The following HAAO variants were observed in gnomAD, a reference collection of about 807,000 sequenced individuals.
HAAO encodes the protein 3-hydroxyanthranilate 3,4-dioxygenase.
A neutral mutation model predicts 46.2 loss-of-function variants in HAAO; 49 were observed. The observed-to-expected ratio is 1.06, with a 90% CI of 0.84 to 1.34. The LOEUF (loss-of-function observed/expected upper bound fraction) is 1.34. Among genes scored for constraint, HAAO ranks in the 40% most tolerant of loss-of-function variants. The pLI, the probability that HAAO is intolerant of heterozygous loss-of-function variation, is 0.00. For synonymous variants in HAAO, 157 were observed against 145.2 expected, an observed-to-expected ratio of 1.08 and a Z score of -0.58; for missense variants, 408 against 364.5, an observed-to-expected ratio of 1.12 and a Z score of -0.97.
intron 4 of HAAO, among the ~76,000 whole-genome samples, chr2:42,777,891 A>G (rs985606975): frequency 2.6e-5 from 4 of 152,206 alleles, no homozygotes; most frequent in African/African-American, 9.6e-5. Flanking sequence ...GTATAAAACA[A>G]GGTAAAAGGA....
In HAAO at chr2:42,769,763, G is replaced by C; in HGVS notation, c.580C>G (p.Leu194Val). The change falls in exon 7 of 10, where the codon CTG becomes GTG. Residue 194 changes from leucine (L) to valine (V), a missense_variant. By Grantham distance (32) the Leu-to-Val change is conservative (BLOSUM62 1). Transcript: ENST00000294973. ...AGGCTGAGTGGTGTGCCTGCCTGCA[G>C]CTCCCTGTGGTGGCTGTCCAGCCAG... The part of the protein sequence containing the change: ...DAWLDSHHRE[L>V]QAGTPLSLFG... The C allele has an allele frequency of 2.5e-6, 4 of 1,614,012 alleles. No homozygotes were observed. Among genetic ancestry groups the C allele is most frequent in the South Asian group, 1.1e-5 (1 of 91,040 alleles).
chr2:42,769,511 C>T (rs969335284), intron 7 of HAAO, among the ~76,000 whole-genome samples: 8 of 152,168 alleles, frequency 5.3e-5, no homozygotes, highest in South Asian at 2.1e-4. Flanking sequence ...GCAGAGCCAT[C>T]GCCTTCTGCG....
At chr2:42,789,014 T>C in intron 1 of HAAO, 1 of 265,228 alleles carries the variant, frequency 3.8e-6, no homozygotes, top group Middle Eastern at 1.5e-3. Context: ...TCACCCATGC[T>C]GTCTGACTAT....
chr2:42,770,537 G>A lies in HAAO; in HGVS notation c.396C>T (p.Phe132=). 1 of 1,553,514 alleles carries A rather than the reference G, an allele frequency of 6.4e-7. No homozygotes were observed. The change falls in exon 5 of 10, where the codon TTC becomes TTT. Residue 132 remains phenylalanine, a synonymous_variant. Transcript: ENST00000294973. ...DTMDVLFEKW[F]YCKDLGTQLA... is the part of the protein sequence containing the mutation. ...ACTGCGTGCCGAGGTCCTTGCAGTA[G>A]AACCACTTCTCAAACAGAACGTCCA...
chr2:42,768,193 G>A (rs1670815042), intron 7 of HAAO, among the ~76,000 whole-genome samples: 1 of 152,222 alleles, frequency 6.6e-6, no homozygotes, highest in Admixed American at 6.5e-5. Flanking sequence ...CCTCTGATGT[G>A]TGCTCATGCG....
rs757166545 is a variant in HAAO at position 42,783,328 on chromosome 2, C to T, written c.336G>A (p.Glu112=). Residue 112 remains glutamate, a synonymous_variant, in exon 4 of 10, where the codon GAG becomes GAA. Transcript: ENST00000294973. ...ACAGAATTTACCTGAGCCCATCTAGCTCGGTCTCCAGCCGCCTTCGCTCAA... is the reference window on the plus strand; with the variant it reads ...ACAGAATTTACCTGAGCCCATCTAGTTCGGTCTCCAGCCGCCTTCGCTCAA... The part of the protein sequence containing the change: ...LVVERRRLET[E]LDGLRYYVGD... The T allele has an allele frequency of 4.4e-6, 7 of 1,608,852 alleles. No individual in the cohort carries two copies. Among genetic ancestry groups the T allele is most frequent in the Non-Finnish European group, 5.1e-6 (6 of 1,176,230 alleles).
At chr2:42,768,181 T>A (rs1670813460) in intron 7 of HAAO, among the ~76,000 whole-genome samples, 1 of 152,206 alleles carries the variant, frequency 6.6e-6, no homozygotes, top group South Asian at 2.1e-4. Flanking sequence ...GCACCCGTGG[T>A]CCCTCTGATG....
chr2:42,781,350 C>A (rs1320513566), intron 4 of HAAO, among the ~76,000 whole-genome samples: 3 of 152,064 alleles, frequency 2.0e-5, no homozygotes, highest in Non-Finnish European at 4.4e-5. Context: ...GGGAAACTGG[C>A]CTCATATCTT....
chr2:42,779,993 C>A (rs972472077), intron 4 of HAAO, among the ~76,000 whole-genome samples: 17 of 152,196 alleles, frequency 1.1e-4, no homozygotes, highest in African/African-American at 3.9e-4. Flanking sequence ...ATGGGAAACT[C>A]CTATAATCCT....
At chr2:42,779,871 T>G (rs1671859356) in intron 4 of HAAO, among the ~76,000 whole-genome samples, 1 of 152,254 alleles carries the variant, frequency 6.6e-6, no homozygotes. Flanking sequence ...TGACATAGTT[T>G]GGCTTACTTG....
intron 4 of HAAO, among the ~76,000 whole-genome samples, chr2:42,773,127 C>G (rs1203338822): frequency 2.6e-5 from 4 of 152,214 alleles, no homozygotes; most frequent in Non-Finnish European, 4.4e-5. Flanking sequence ...GGTGTTGACT[C>G]CCACTCCTCT....
Position 42,767,348 on chromosome 2 carries a change from G to A in HAAO, c.*89C>T, listed in dbSNP as rs959634558. The stretch of plus-strand genomic sequence containing the variant: ...GGGACACAGCGGCAGTACACAGAGA[G>A]GTAGTGGGGGCTGGGAGAGTTGTTT... On this transcript the variant is annotated 3_prime_UTR_variant, in exon 10 of 10. Transcript: ENST00000294973. 7 of 850,972 alleles carry A rather than the reference G, an allele frequency of 8.2e-6. No individual in the cohort carries two copies. The highest frequency in any genetic ancestry group is 1.4e-5 in the Non-Finnish European group (7 of 504,348). The allele number at this position is 850,972 out of a possible 1,614,324, so 52.7% of individuals were successfully genotyped here. A position where few individuals can be genotyped will look rare whatever the true frequency, so the allele number is the denominator to read the frequency against.
intron 2 of HAAO, among the ~76,000 whole-genome samples, chr2:42,786,025 G>C (rs940232470): frequency 2.1e-5 from 2 of 95,334 alleles, no homozygotes; most frequent in Non-Finnish European, 5.4e-5. Flanking sequence ...GTGTGTGTGT[G>C]TGTGTGTGTG....
At chr2:42,791,310 G>A (rs1007196052) in intron 1 of HAAO, among the ~76,000 whole-genome samples, 13 of 152,166 alleles carry the variant, frequency 8.5e-5, no homozygotes, top group Admixed American at 7.2e-4. Flanking sequence ...AAATGCTAGG[G>A]AGAGGCCCGG....
At chr2:42,780,383 C>A (rs192415564) in intron 4 of HAAO, among the ~76,000 whole-genome samples, 98 of 151,516 alleles carry the variant, frequency 6.5e-4, no homozygotes, top group African/African-American at 2.3e-3. Flanking sequence ...AATTTTTGTA[C>A]TTTTAGTAGA....
intron 6 of HAAO, 22 bp from the exon 7 acceptor site, chr2:42,769,880 A>C: frequency 6.3e-7 from 1 of 1,593,356 alleles, no homozygotes; most frequent in Non-Finnish European, 8.5e-7. Flanking sequence ...GCATGACTAT[A>C]GTCGGTGTCC....
rs35394667 is a variant in HAAO at position 42,769,380 on chromosome 2, C to T, written c.630+333G>A. Among the ~76,000 whole-genome samples the T allele has an allele frequency of 0.025, 3,748 of 152,258 alleles. 302 individuals carry two copies. The East Asian group carries it at 0.31, about 13-fold the overall frequency. On this transcript the variant is annotated intron_variant, in intron 7 of 9. Coordinates refer to ENST00000294973, the MANE Select transcript of HAAO (RefSeq NM_012205.3). Reference sequence around the variant, plus strand: ...TGGCTGAAGGTTCAGGAATTCCTAGCGAGGGGAAAACTGCAGACCCTCAGG... The same window carrying T: ...TGGCTGAAGGTTCAGGAATTCCTAGTGAGGGGAAAACTGCAGACCCTCAGG...
Position 42,783,330 on chromosome 2 carries a change from C to A in HAAO, c.334G>T (p.Glu112Ter), listed in dbSNP as rs535861822. 1.9e-6 allele frequency: 3 copies of A among 1,609,038 alleles called. No homozygotes were observed. In the South Asian group the frequency reaches 3.3e-5, roughly 18 times the overall value. ...AGAATTTACCTGAGCCCATCTAGCT[C>A]GGTCTCCAGCCGCCTTCGCTCAACC... ...LVVERRRLET[E>*]LDGLRYYVGD... Residue 112 changes from glutamate (E) to a stop codon, truncating the protein, a stop_gained, in exon 4 of 10, where the codon GAG (glutamate) becomes TAG (stop). Coordinates refer to ENST00000294973, the MANE Select transcript of HAAO (RefSeq NM_012205.3). LOFTEE classifies it high-confidence loss of function.
chr2:42,783,135 C>A (rs1672135822), intron 4 of HAAO, 179 bp downstream of exon 4: 1 of 595,838 alleles, frequency 1.7e-6, no homozygotes, highest in Admixed American at 2.9e-5. Flanking sequence ...CACTCTACCC[C>A]TCCACCATCA....
Sources: gnomAD v4.1 joint callset for allele counts (sites outside exome capture counted in the v4.1 genomes callset) on GRCh38, gnomAD v4.1.1 for gene constraint, MANE v1.5 for transcripts, NCBI Gene and HGNC (gene_info 2026-07-23, HGNC 2026-07-21) for gene names.